Variants in NUP93 observed in about 807,000 individuals in gnomAD.
NUP93 encodes nuclear pore complex protein Nup93.
A neutral mutation model predicts 107.8 loss-of-function variants in NUP93; 55 were observed. The observed-to-expected ratio is 0.51, with a 90% confidence interval of 0.41 to 0.64. The LOEUF (loss-of-function observed/expected upper bound fraction) is 0.64. Among genes scored for constraint, NUP93 ranks in the 30% least tolerant of loss-of-function variants. The pLI is 0.00. For missense variants in NUP93, 937 were observed against 1,044.7 expected (o/e 0.90, Z 1.42); for synonymous variants, 390 against 397.5 (o/e 0.98, Z 0.22).
At chr16:56,816,650 G>C (rs1156652371) in intron 5 of NUP93, among the ~76,000 whole-genome samples, 1 of 152,188 alleles carries the variant, frequency 6.6e-6, no homozygotes, top group Admixed American at 6.5e-5. Flanking sequence ...ATACTAGCAG[G>C]CTTGTGTTTC....
chr16:56,850,256 T>C lies in NUP93; in HGVS notation c.*5647T>C, dbSNP rs1434564730. ...AGGATGGTTCCTTCACCACTATCCC[T>C]GTCTGTAGCCAGTAAATTTCTGGAA... On this transcript the variant is annotated 3_prime_UTR_variant, in exon 22 of 22. Coordinates refer to ENST00000308159, the MANE Select transcript of NUP93 (RefSeq NM_014669.5). 6.6e-6 allele frequency: 1 copy of C among 152,314 alleles called. No individual in the cohort carries two copies. The highest frequency in any genetic ancestry group is 1.5e-5 in the Non-Finnish European group (1 of 68,084). The allele number at this position is 152,314 out of a possible 1,614,324, so 9.4% of individuals were successfully genotyped here.
chr16:56,748,441 G>A lies in NUP93; in HGVS notation c.179+15G>A, dbSNP rs1961859286. 1.9e-6 allele frequency: 3 copies of A among 1,604,306 alleles called. No homozygotes were observed. ...GATGTCAAGGCGTGAGTACTGGTAG[G>A]GAGACAGCATTAGTACTGGGTGGCT... On this transcript the variant is annotated intron_variant, in intron 2 of 21. Transcript: ENST00000308159.
intron 1 of NUP93, among the ~76,000 whole-genome samples, chr16:56,736,777 G>A (rs1961621499): frequency 6.6e-6 from 1 of 152,206 alleles, no homozygotes; most frequent in South Asian, 2.1e-4. Context: ...TTGCCATTGA[G>A]TCTTCAAGGG....
rs780487606 is a variant in NUP93, at chr16:56,831,875, G to A, written c.1119G>A (p.Leu373=). The change falls in exon 11 of 22, where the codon CTG becomes CTA. Residue 373 remains leucine (L), a synonymous_variant. Transcript: ENST00000308159. ...CAGCTACGGAAAACAAGCTCCGGCT[G>A]CATTACCGTAGGGCCCTCAGGAACA... ...LSPATENKLR[L]HYRRALRNNT... The A allele has an allele frequency of 6.8e-6, 11 of 1,613,964 alleles. No individual in the cohort carries two copies. The South Asian group carries it at 7.7e-5, about 11-fold the overall frequency.
chr16:56,753,088 C>T (rs1035094155), intron 2 of NUP93, among the ~76,000 whole-genome samples: 26 of 152,266 alleles, frequency 1.7e-4, no homozygotes, highest in Middle Eastern at 3.4e-3. Context: ...TAAAACAAAA[C>T]TCATTGATCG....
intron 3 of NUP93, among the ~76,000 whole-genome samples, chr16:56,770,199 A>T (rs756705909): frequency 1.9e-4 from 29 of 152,212 alleles, no homozygotes; most frequent in Non-Finnish European, 3.8e-4. Flanking sequence ...GTGAGTATGC[A>T]AGAGTAGGTG....
intron 4 of NUP93, among the ~76,000 whole-genome samples, chr16:56,799,799 G>A (rs1275507184): frequency 1.3e-5 from 2 of 152,236 alleles, no homozygotes; most frequent in Non-Finnish European, 2.9e-5. Flanking sequence ...GTACTGAGGT[G>A]AAATAGGGCA....
intron 1 of NUP93, among the ~76,000 whole-genome samples, chr16:56,732,835 T>C (rs1441411079): frequency 6.6e-6 from 1 of 152,226 alleles, no homozygotes; most frequent in Non-Finnish European, 1.5e-5. Context: ...CTGATCCTGT[T>C]ATGTGCCAGA....
chr16:56,807,795 G>C (rs1963176009), intron 5 of NUP93, among the ~76,000 whole-genome samples: 1 of 151,932 alleles, frequency 6.6e-6, no homozygotes, highest in South Asian at 2.1e-4. Context: ...GGCCAAGGAG[G>C]GTGGATCACA....
At chr16:56,824,360 C>T (rs928778571) in intron 8 of NUP93, among the ~76,000 whole-genome samples, 1 of 152,162 alleles carries the variant, frequency 6.6e-6, no homozygotes, top group Non-Finnish European at 1.5e-5. Flanking sequence ...TCTTTGCCAC[C>T]TCCTCACCAA....
At chr16:56,730,905 C>G (rs1380200962) in intron 1 of NUP93, among the ~76,000 whole-genome samples, 1 of 152,164 alleles carries the variant, frequency 6.6e-6, no homozygotes, top group East Asian at 1.9e-4. Flanking sequence ...TGCCCTTCTG[C>G]CAGACGTGGG....
At chr16:56,823,582 A>C (rs1297299756) in intron 7 of NUP93, 125 bp from the exon 8 acceptor site, 2 of 1,137,770 alleles carry the variant, frequency 1.8e-6, no homozygotes, top group Non-Finnish European at 2.6e-6. Flanking sequence ...TAGCCGTCAC[A>C]GACAGATGAC....
chr16:56,830,630 C>T lies in NUP93; in HGVS notation c.1030C>T (p.Gln344Ter), dbSNP rs1163962948. ...ACAGGTAGTTAATCGAGCCCAGCACCAGCTGGGAGAGTTTAAAACCTGGTT... is the reference window on the plus strand; with the variant it reads ...ACAGGTAGTTAATCGAGCCCAGCACTAGCTGGGAGAGTTTAAAACCTGGTT... ...ASQVVNRAQH[Q>*]LGEFKTWFQE... Residue 344 changes from glutamine (Q) to a stop codon, truncating the protein, a stop_gained, in exon 10 of 22, where the codon CAG becomes TAG. Coordinates refer to ENST00000308159, the MANE Select transcript of NUP93 (RefSeq NM_014669.5). LOFTEE classifies it high-confidence loss of function. 6.2e-7 allele frequency: 1 copy of T among 1,608,314 alleles called. No homozygotes were observed. The highest frequency in any genetic ancestry group is 8.5e-7 in the Non-Finnish European group (1 of 1,175,272).
intron 6 of NUP93, 39 bp from the exon 7 acceptor site, chr16:56,821,465 T>C: frequency 7.4e-7 from 1 of 1,358,394 alleles, no homozygotes; most frequent in Non-Finnish European, 1.1e-6. Context: ...GAAGAGAAAA[T>C]AGATACTTTG....
chr16:56,760,627 A>G (rs1232870509), intron 3 of NUP93, among the ~76,000 whole-genome samples: 1 of 152,176 alleles, frequency 6.6e-6, no homozygotes, highest in African/African-American at 2.4e-5. Context: ...ACTCACTGTC[A>G]TGAGGACAGC....
At chr16:56,779,077 C>T (rs1165786506) in intron 3 of NUP93, among the ~76,000 whole-genome samples, 1 of 152,106 alleles carries the variant, frequency 6.6e-6, no homozygotes, top group Non-Finnish European at 1.5e-5. Flanking sequence ...ACCTGGCTTC[C>T]TTCTTTACTC....
intron 3 of NUP93, among the ~76,000 whole-genome samples, chr16:56,781,392 A>G (rs567311332): frequency 1.3e-4 from 20 of 152,298 alleles, no homozygotes; most frequent in African/African-American, 2.4e-4. Context: ...GGACAGTACA[A>G]TTGACAAGGG....
chr16:56,811,736 G>T (rs375882509), intron 5 of NUP93, among the ~76,000 whole-genome samples: 4 of 152,148 alleles, frequency 2.6e-5, no homozygotes, highest in African/African-American at 9.7e-5. Context: ...TTCCCAAAGT[G>T]CTGTGATTAC....
chr16:56,771,940 T>C (rs1962329429), intron 3 of NUP93, among the ~76,000 whole-genome samples: 1 of 152,166 alleles, frequency 6.6e-6, no homozygotes, highest in South Asian at 2.1e-4. Context: ...GATTTTTTGG[T>C]TTTGTTTTTG....
Sources: gnomAD v4.1 joint callset for allele counts (sites outside exome capture counted in the v4.1 genomes callset) on GRCh38, gnomAD v4.1.1 for gene constraint, MANE v1.5 for transcripts, NCBI Gene and HGNC (gene_info 2026-07-23, HGNC 2026-07-21) for gene names.